Variants in CDH1 observed in about 807,000 individuals in gnomAD.
CDH1 encodes the protein cadherin 1.
Under a neutral mutation model 84.5 loss-of-function variants are expected in CDH1, and 35 were observed. The observed-to-expected ratio is 0.41, with a 90% CI of 0.32 to 0.55. The LOEUF (loss-of-function observed/expected upper bound fraction) is 0.55, where lower values mean the gene tolerates loss of function less well. Among genes scored for constraint, CDH1 ranks in the 20% least tolerant of loss-of-function variants. The pLI, the probability that CDH1 is intolerant of heterozygous loss-of-function variation, is 0.19. For missense variants in CDH1, 994 were observed against 1,126.6 expected (o/e 0.88, Z 1.68); for synonymous variants, 417 against 439.0 (o/e 0.95, Z 0.63).
chr16:68,831,024 C>T lies in CDH1; in HGVS notation c.2439+1227C>T, dbSNP rs1596974029. On this transcript the variant is annotated intron_variant, in intron 15 of 15. Transcript: ENST00000261769. ...CTGGGCTTGTCTGATGGTCCAGTGG[C>T]CCTCGGTGAGTCTTCATGGTGAGGT... Among the ~76,000 whole-genome samples the T allele has an allele frequency of 2.0e-5, 3 of 151,082 alleles. No homozygotes were observed. The South Asian group carries it at 6.3e-4, about 32-fold the overall frequency.
At chr16:68,763,362 G>A (rs1959281588) in intron 2 of CDH1, 1 of 152,304 alleles carries the variant, frequency 6.6e-6, no homozygotes. Flanking sequence ...ATTTCAGCTG[G>A]GAAAATGGGA....
chr16:68,810,870 A>AC (rs1960802478), intron 6 of CDH1, among the ~76,000 whole-genome samples: 1 of 151,910 alleles, frequency 6.6e-6, no homozygotes, highest in South Asian at 2.1e-4. Flanking sequence ...CGTCTCAAAA[A>AC]AAAAAAAATT....
chr16:68,778,236 C>T lies in CDH1; in HGVS notation c.164-23434C>T, dbSNP rs148048200. 2.2e-3 allele frequency among the ~76,000 whole-genome samples: 338 copies of T among 152,032 alleles called. 1 individual carries two copies. The highest frequency in any genetic ancestry group is 7.8e-3 in the African/African-American group (322 of 41,446). On this transcript the variant is annotated intron_variant, in intron 2 of 15. Transcript: ENST00000261769. ...CTAATTTTTGTATTTTTAGTACAGACGGGGTTTCACCATATTGGCCAGGCT... is the reference window on the plus strand; with the variant it reads ...CTAATTTTTGTATTTTTAGTACAGATGGGGTTTCACCATATTGGCCAGGCT...
At chr16:68,786,457 C>T (rs1159315377) in intron 2 of CDH1, among the ~76,000 whole-genome samples, 1 of 151,446 alleles carries the variant, frequency 6.6e-6, no homozygotes, top group Non-Finnish European at 1.5e-5. Context: ...CAGGGTTGAG[C>T]CTGCACCTGA....
chr16:68,790,809 C>G (rs1029506903), intron 2 of CDH1, among the ~76,000 whole-genome samples: 1 of 152,086 alleles, frequency 6.6e-6, no homozygotes, highest in Non-Finnish European at 1.5e-5. Context: ...GAAGCAACCC[C>G]AGCTTCTCCA....
chr16:68,781,081 G>A lies in CDH1; in HGVS notation c.164-20589G>A, dbSNP rs140514467. Among the ~76,000 whole-genome samples, 757 of 152,320 alleles carry A rather than the reference G, an allele frequency of 5.0e-3. 7 individuals are homozygous for A. Among genetic ancestry groups the A allele is most frequent in the African/African-American group, 0.016 (665 of 41,564 alleles). ...GGAAAAAAGTGTCGGCTGACAAGCC[G>A]TTCTGTCTCCATGTTCTCCTCTCAC... On this transcript the variant is annotated intron_variant, in intron 2 of 15. Transcript: ENST00000261769.
intron 3 of CDH1, among the ~76,000 whole-genome samples, chr16:68,804,964 G>A (rs1299500707): frequency 2.0e-5 from 3 of 147,020 alleles, no homozygotes; most frequent in African/African-American, 7.6e-5. Flanking sequence ...CCATGTAGCT[G>A]GGACCACAGG....
At chr16:68,743,747 C>G (rs1248058497) in intron 2 of CDH1, among the ~76,000 whole-genome samples, 1 of 152,198 alleles carries the variant, frequency 6.6e-6, no homozygotes, top group African/African-American at 2.4e-5. Flanking sequence ...AATCATTCAG[C>G]AGTGGCTGTT....
intron 2 of CDH1, among the ~76,000 whole-genome samples, chr16:68,764,008 A>T (rs1959299415): frequency 6.6e-6 from 1 of 152,314 alleles, no homozygotes; most frequent in Admixed American, 6.5e-5. Context: ...TGGAGAGCTT[A>T]AAAGTGGAGA....
At chr16:68,803,519 T>G (rs1361761209) in intron 3 of CDH1, among the ~76,000 whole-genome samples, 1 of 152,158 alleles carries the variant, frequency 6.6e-6, no homozygotes, top group African/African-American at 2.4e-5. Flanking sequence ...TGCCTCAGCC[T>G]CTCAAGTAGC....
rs1596970771 is a variant in CDH1, at chr16:68,828,226, G to A, written c.2217G>A (p.Glu739=). ...TTCGGAGGAGAGCGGTGGTCAAAGA[G>A]CCCTTACTGCCCCCAGAGGATGACA... The part of the protein sequence containing the change: ...LFLRRRAVVK[E]PLLPPEDDTR... The change falls in exon 14 of 16, where the codon GAG becomes GAA. Residue 739 remains glutamate (E), a synonymous_variant. Coordinates refer to ENST00000261769, the MANE Select transcript of CDH1 (RefSeq NM_004360.5). 1 of 1,614,008 alleles carries A rather than the reference G, an allele frequency of 6.2e-7. No individual in the cohort carries two copies. Among genetic ancestry groups the A allele is most frequent in the East Asian group, 2.2e-5 (1 of 44,876 alleles).
intron 3 of CDH1, among the ~76,000 whole-genome samples, chr16:68,802,911 G>A (rs773795390): frequency 4.6e-5 from 7 of 152,154 alleles, no homozygotes; most frequent in Middle Eastern, 3.2e-3. Flanking sequence ...TATTTGCAGT[G>A]CCTGGCCTTA....
intron 2 of CDH1, among the ~76,000 whole-genome samples, chr16:68,745,549 A>ATATATATATATGT (rs1285099283): frequency 0.27 from 20,046 of 74,958 alleles, 2,645 homozygotes; most frequent in Admixed American, 0.33. Flanking sequence ...AAAAAAAAAA[A>ATATATATATATGT]ATATATATAT....
intron 2 of CDH1, among the ~76,000 whole-genome samples, chr16:68,747,583 C>T (rs910013301): frequency 3.9e-5 from 6 of 152,166 alleles, no homozygotes; most frequent in South Asian, 2.1e-4. Flanking sequence ...GAACAGATTT[C>T]ATTAGTCTCT....
intron 2 of CDH1, among the ~76,000 whole-genome samples, chr16:68,764,533 G>A (rs1220936717): frequency 6.6e-6 from 1 of 152,172 alleles, no homozygotes; most frequent in African/African-American, 2.4e-5. Flanking sequence ...CTGAGATCAC[G>A]CCACTGCACT....
intron 2 of CDH1, among the ~76,000 whole-genome samples, chr16:68,743,751 G>A (rs1039026627): frequency 3.9e-5 from 6 of 152,158 alleles, no homozygotes; most frequent in Admixed American, 2.6e-4. Context: ...ATTCAGCAGT[G>A]GCTGTTTAGG....
rs1288704070 is a variant in CDH1 at position 68,808,484 on chromosome 16, A to G, written c.448A>G (p.Arg150Gly). ...LTFPNSSPGL[R>G]RQKRDWVIPP... ...ATTTCCCAACTCCTCTCCTGGCCTC[A>G]GAAGACAGAAGAGAGACTGGGTTAT... Residue 150 changes from arginine (R) to glycine (G), a missense_variant, in exon 4 of 16, where the codon AGA becomes GGA. Transcript: ENST00000261769. The G allele has an allele frequency of 6.2e-7, 1 of 1,614,122 alleles. No individual in the cohort carries two copies. The highest frequency in any genetic ancestry group is 1.7e-5 in the Admixed American group (1 of 60,026).
intron 2 of CDH1, among the ~76,000 whole-genome samples, chr16:68,792,069 C>T (rs1470821028): frequency 6.6e-6 from 1 of 151,290 alleles, no homozygotes; most frequent in Non-Finnish European, 1.5e-5. Flanking sequence ...TACAGGTGCC[C>T]ACCACCATGC....
intron 2 of CDH1, among the ~76,000 whole-genome samples, chr16:68,790,513 G>A (rs2152123599): frequency 6.6e-6 from 1 of 152,242 alleles, no homozygotes; most frequent in East Asian, 1.9e-4. Flanking sequence ...CCACAGCTGG[G>A]ACAAGAAAGC....
Sources: allele counts gnomAD v4.1 joint callset (sites outside exome capture counted in the v4.1 genomes callset), GRCh38; gene constraint gnomAD v4.1.1; transcripts MANE v1.5; gene names NCBI Gene and HGNC (gene_info 2026-07-23, HGNC 2026-07-21).